A4GALT: variants seen among roughly 807,000 people sequenced by gnomAD.
A4GALT encodes the protein lactosylceramide 4-alpha-galactosyltransferase.
For synonymous variants in A4GALT, 257 were observed against 220.7 expected (o/e 1.16, Z -1.46); for missense variants, 512 against 486.0 (o/e 1.05, Z -0.50).
At position 42,696,344 on chromosome 22, in the gene A4GALT, C is replaced by A. The variant is rs1324442110; in HGVS notation, c.-187-713G>T. 2.0e-5 allele frequency among the ~76,000 whole-genome samples: 3 copies of A among 149,164 alleles called. No homozygotes were observed. In the East Asian group the frequency reaches 6.1e-4, roughly 30 times the overall value. ...CTGAGGCAGGAGAATTGCTTGAATC[C>A]AGGAGGCGGAGGTTGCAGTGCGCCG... On this transcript the variant is annotated intron_variant, in intron 1 of 2. Transcript: ENST00000642412.
In A4GALT at chr22:42,720,830, G is replaced by A. The variant is rs567438753; in HGVS notation, c.-221C>T. The A allele has an allele frequency of 4.6e-4, 45 of 97,028 alleles. 2 individuals are homozygous for A. The South Asian group carries it at 0.013, about 28-fold the overall frequency. 6.0% of individuals were successfully genotyped at this position (97,028 alleles called of 1,614,324 possible). A position where few individuals can be genotyped will look rare whatever the true frequency, so the allele number is the denominator to read the frequency against. On this transcript the variant is annotated 5_prime_UTR_variant, in exon 1 of 3. Coordinates refer to ENST00000642412, the MANE Select transcript of A4GALT (RefSeq NM_017436.7). ...CCAGCGGCGGCGGGCGGCGGACAGCGGGGCCCCGGCGGGCGGGCGGCGCGG... is the reference window on the plus strand; with the variant it reads ...CCAGCGGCGGCGGGCGGCGGACAGCAGGGCCCCGGCGGGCGGGCGGCGCGG...
At chr22:42,696,430 A>G (rs926607459) in intron 1 of A4GALT, among the ~76,000 whole-genome samples, 3 of 151,132 alleles carry the variant, frequency 2.0e-5, no homozygotes, top group Admixed American at 6.6e-5. Flanking sequence ...CAAAAAGGAA[A>G]AAAAAAAAAA....
At chr22:42,694,951 A>T (rs1930820722) in intron 2 of A4GALT, 1 of 151,428 alleles carries the variant, frequency 6.6e-6, no homozygotes, top group South Asian at 2.1e-4. Flanking sequence ...CACCACCCCC[A>T]CCCTACAGAT....
chr22:42,709,552 G>A (rs978881896), intron 1 of A4GALT, among the ~76,000 whole-genome samples: 11 of 152,170 alleles, frequency 7.2e-5, no homozygotes, highest in African/African-American at 2.6e-4. Context: ...CAGTTTGGGA[G>A]GCTAAGGCAG....
chr22:42,715,922 T>G (rs563791675), intron 1 of A4GALT, among the ~76,000 whole-genome samples: 17 of 151,274 alleles, frequency 1.1e-4, no homozygotes, highest in Non-Finnish European at 2.5e-4. Flanking sequence ...AAACTCCGCC[T>G]CCTGCGTTCA....
At chr22:42,695,786 G>T (rs930392750) in intron 1 of A4GALT, among the ~76,000 whole-genome samples, 155 bp from the exon 2 acceptor site, 2 of 152,150 alleles carry the variant, frequency 1.3e-5, no homozygotes, top group African/African-American at 4.8e-5. Flanking sequence ...ATAGGGGCAG[G>T]CCCTGCACTG....
At chr22:42,710,183 G>C (rs5751347) in intron 1 of A4GALT, among the ~76,000 whole-genome samples, 97,150 of 151,902 alleles carry the variant, frequency 0.64, 31,653 homozygotes, top group East Asian at 0.84. Context: ...GAAAGAAAAC[G>C]CAATAGAAAT....
intron 1 of A4GALT, among the ~76,000 whole-genome samples, chr22:42,702,772 G>A (rs1920931465): frequency 7.0e-6 from 1 of 143,480 alleles, no homozygotes; most frequent in Non-Finnish European, 1.5e-5. Context: ...GTGCAGATAA[G>A]GTGGAACGCC....
chr22:42,700,652 C>T (rs963938398), intron 1 of A4GALT, among the ~76,000 whole-genome samples: 2 of 152,194 alleles, frequency 1.3e-5, no homozygotes, highest in Non-Finnish European at 2.9e-5. Context: ...CACACGGGTG[C>T]TCCCACTGTG....
Position 42,693,855 on chromosome 22 carries a change from A to G in A4GALT, c.97T>C (p.Phe33Leu). The stretch of plus-strand genomic sequence containing the variant: ...TGCCAGTAGATCATGATGGAGACGA[A>G]AAACGTGAACTTGAAGCCGATGATG... ...LFIIGFKFTFFVSIMIYWHVV... is the reference protein window; with the variant it reads ...LFIIGFKFTFLVSIMIYWHVV... Residue 33 changes from phenylalanine (F) to leucine (L), a missense_variant, in exon 3 of 3, where the codon TTC becomes CTC. By Grantham distance (22) the Phe-to-Leu change is conservative. Transcript: ENST00000642412. 6.2e-7 allele frequency: 1 copy of G among 1,610,796 alleles called. No individual in the cohort carries two copies. The highest frequency in any genetic ancestry group is 8.5e-7 in the Non-Finnish European group (1 of 1,178,984).
chr22:42,704,512 A>T (rs1235037791), intron 1 of A4GALT, among the ~76,000 whole-genome samples: 3 of 151,812 alleles, frequency 2.0e-5, no homozygotes, highest in Non-Finnish European at 4.4e-5. Flanking sequence ...ATAATAAAAA[A>T]AATTAAAAAA....
At position 42,698,616 on chromosome 22, in the gene A4GALT, C is replaced by T. The variant is rs956145044; in HGVS notation, c.-187-2985G>A. Reference sequence around the variant, plus strand: ...ACCAGGGTTATGCCCTTGGAGATTCCGATGTCCTGACGGGAACACAGAGGC... The same window carrying T: ...ACCAGGGTTATGCCCTTGGAGATTCTGATGTCCTGACGGGAACACAGAGGC... On this transcript the variant is annotated intron_variant, in intron 1 of 2. Transcript: ENST00000642412. Among the ~76,000 whole-genome samples, 5 of 152,256 alleles carry T rather than the reference C, an allele frequency of 3.3e-5. No individual in the cohort carries two copies. In the East Asian group the frequency reaches 5.8e-4, roughly 18 times the overall value.
At position 42,692,556 on chromosome 22, in the gene A4GALT, C is replaced by G. The variant is rs927459570; in HGVS notation, c.*334G>C. 2.1e-6 allele frequency: 1 copy of G among 469,902 alleles called. No homozygotes were observed. The highest frequency in any genetic ancestry group is 5.1e-5 in the East Asian group (1 of 19,570). 29.1% of individuals were successfully genotyped at this position (469,902 alleles called of 1,614,324 possible). On this transcript the variant is annotated 3_prime_UTR_variant, in exon 3 of 3. Coordinates refer to ENST00000642412, the MANE Select transcript of A4GALT (RefSeq NM_017436.7). The surrounding 1 kb of genome is among the most constrained non-coding windows in gnomAD (Gnocchi z 4.6). Reference sequence around the variant, plus strand: ...TCCCCTTAGCACCGGCCTCTGCCCTCGTGGGCACCTCTGTCCCAACTGCCT... The same window carrying G: ...TCCCCTTAGCACCGGCCTCTGCCCTGGTGGGCACCTCTGTCCCAACTGCCT...
rs148881382 is a variant in A4GALT, at chr22:42,693,827, A to G, written c.125T>C (p.Val42Ala). ...FFVSIMIYWHVVGEPKEKGQL... is the reference protein window; with the variant it reads ...FFVSIMIYWHAVGEPKEKGQL... The stretch of plus-strand genomic sequence containing the variant: ...CCCTTTCTCCTTGGGCTCTCCCACA[A>G]CGTGCCAGTAGATCATGATGGAGAC... Residue 42 changes from valine (V) to alanine (A), a missense_variant, in exon 3 of 3, where the codon GTT becomes GCT. By Grantham distance (64) the Val-to-Ala change is moderately conservative. Coordinates refer to ENST00000642412, the MANE Select transcript of A4GALT (RefSeq NM_017436.7). 316 of 1,607,858 alleles carry G rather than the reference A, an allele frequency of 2.0e-4. No homozygotes were observed. The highest frequency in any genetic ancestry group is 2.3e-4 in the Non-Finnish European group (274 of 1,177,520).
At chr22:42,720,211 C>A (rs1025922283) in intron 1 of A4GALT, among the ~76,000 whole-genome samples, 1 of 152,272 alleles carries the variant, frequency 6.6e-6, no homozygotes, top group Admixed American at 6.5e-5. Context: ...GTGCCCAGCT[C>A]GTACCCAGGC....
chr22:42,697,085 TTG>T (rs752884349), intron 1 of A4GALT, among the ~76,000 whole-genome samples: 8 of 152,250 alleles, frequency 5.3e-5, no homozygotes, highest in South Asian at 2.1e-4. Flanking sequence ...TAGGTATGTT[TTG>T]TGTTTTGTTC....
At chr22:42,716,575 G>A (rs1365975658) in intron 1 of A4GALT, among the ~76,000 whole-genome samples, 5 of 152,196 alleles carry the variant, frequency 3.3e-5, no homozygotes, top group African/African-American at 4.8e-5. Context: ...CAGCGGCAGA[G>A]CGGGGTTCAA....
intron 1 of A4GALT, among the ~76,000 whole-genome samples, chr22:42,698,026 G>A (rs1371664670): frequency 2.0e-5 from 3 of 152,106 alleles, no homozygotes; most frequent in African/African-American, 7.2e-5. Flanking sequence ...TGAGGTGGGC[G>A]GATCATGAAG....
chr22:42,695,767 A>G, intron 1 of A4GALT, 136 bp from the exon 2 acceptor site: 1 of 152,280 alleles, frequency 6.6e-6, no homozygotes, highest in East Asian at 1.9e-4. Flanking sequence ...CTCAGGGGAC[A>G]CTCAGGGAAT....
Sources: gnomAD v4.1 joint callset for allele counts (sites outside exome capture counted in the v4.1 genomes callset) on GRCh38, gnomAD v4.1.1 for gene constraint, Gnocchi (gnomAD v3.1) non-coding constraint, MANE v1.5 for transcripts, NCBI Gene and HGNC (gene_info 2026-07-23, HGNC 2026-07-21) for gene names.